Variants in RNF216 observed in about 807,000 individuals in gnomAD.
The protein encoded by RNF216 is E3 ubiquitin-protein ligase RNF216.
Under a neutral mutation model 110.8 loss-of-function variants are expected in RNF216, and 72 were observed. The ratio of observed to expected loss-of-function variants is 0.65; its 90% CI spans 0.54 to 0.79. The LOEUF (loss-of-function observed/expected upper bound fraction) is 0.79, where lower values mean the gene tolerates loss of function less well. RNF216 is among the 30% of genes least tolerant of loss of function. The pLI, the probability that RNF216 is intolerant of heterozygous loss-of-function variation, is 0.00. For missense variants in RNF216, 1,342 were observed against 1,141.2 expected, an observed-to-expected ratio of 1.18 and a Z score of -2.54; for synonymous variants, 495 against 407.5, an observed-to-expected ratio of 1.21 and a Z score of -2.59.
At chr7:5,753,266 G>A (rs1010881370) in intron 2 of RNF216, among the ~76,000 whole-genome samples, 9 of 152,056 alleles carry the variant, frequency 5.9e-5, no homozygotes, top group African/African-American at 2.2e-4. Flanking sequence ...AAATTTTCTT[G>A]ACTGCCAATT....
chr7:5,654,849 TATTAGGGTGCCTAACTA>T (rs1225209319), intron 13 of RNF216, among the ~76,000 whole-genome samples: 1 of 151,978 alleles, frequency 6.6e-6, no homozygotes, highest in Non-Finnish European at 1.5e-5. Context: ...AGGTGATATA[TATTAGGGTGCCTAACTA>T]TTACCCACCG....
At chr7:5,648,505 C>T (rs1490975498) in intron 14 of RNF216, among the ~76,000 whole-genome samples, 3 of 151,392 alleles carry the variant, frequency 2.0e-5, no homozygotes, top group Non-Finnish European at 3.0e-5. Flanking sequence ...GCAGGCGGAT[C>T]ATGAGGTCAG....
Position 5,685,164 on chromosome 7 carries a change from T to C in RNF216, c.2061+26597A>G, listed in dbSNP as rs141103869. On this transcript the variant is annotated intron_variant, in intron 13 of 16. Transcript: ENST00000389902. ...ACTGGAGGCTCATGGCCTCCAGTGA[T>C]TGGGCTGCCCATGTACAATGTCCAC... Among the ~76,000 whole-genome samples, 924 of 152,268 alleles carry C rather than the reference T, an allele frequency of 6.1e-3. 5 individuals carry two copies. The highest frequency in any genetic ancestry group is 0.02 in the African/African-American group (828 of 41,552).
At chr7:5,768,339 A>C (rs1172832876) in intron 1 of RNF216, among the ~76,000 whole-genome samples, 2 of 133,274 alleles carry the variant, frequency 1.5e-5, no homozygotes, top group African/African-American at 5.9e-5. Flanking sequence ...AGGCCGAGGC[A>C]GGCAAATACA....
chr7:5,632,711 A>C (rs1367392087), intron 15 of RNF216, among the ~76,000 whole-genome samples: 6 of 151,612 alleles, frequency 4.0e-5, no homozygotes, highest in Non-Finnish European at 8.8e-5. Context: ...CGGGAGGCAC[A>C]GGTTGCAGTG....
intron 7 of RNF216, among the ~76,000 whole-genome samples, chr7:5,727,372 T>C (rs1283169131): frequency 8.5e-5 from 13 of 152,302 alleles, no homozygotes; most frequent in African/African-American, 3.1e-4. Context: ...TCTATGCTTA[T>C]TATTGAGTGG....
In RNF216 at chr7:5,696,352, T is replaced by C. The variant is rs1791626121; in HGVS notation, c.2061+15409A>G. On this transcript the variant is annotated intron_variant, in intron 13 of 16. Coordinates refer to ENST00000389902, the MANE Select transcript of RNF216 (RefSeq NM_207111.4). The surrounding 1 kb of genome is among the most constrained non-coding windows in gnomAD (Gnocchi z 5.4). ...TGAGAGAAATTAAGCTTATTCGACA[T>C]GCCTTCGGCTGGAAAACAAGCCTTT... 2.0e-5 allele frequency among the ~76,000 whole-genome samples: 3 copies of C among 152,242 alleles called. No individual in the cohort carries two copies. The South Asian group carries it at 6.2e-4, about 31-fold the overall frequency.
chr7:5,690,529 CA>C (rs1791268837), intron 13 of RNF216, among the ~76,000 whole-genome samples: 1 of 152,062 alleles, frequency 6.6e-6, no homozygotes, highest in East Asian at 1.9e-4. Context: ...CCACTTAGAC[CA>C]GGGGAGGAGG....
intron 3 of RNF216, among the ~76,000 whole-genome samples, chr7:5,748,478 T>C (rs1041556136): frequency 2.6e-5 from 4 of 152,220 alleles, no homozygotes; most frequent in Admixed American, 2.6e-4. Flanking sequence ...CAGACTGGTC[T>C]TGAACTCTTG....
At chr7:5,742,960 T>C (rs943045654) in intron 3 of RNF216, among the ~76,000 whole-genome samples, 7 of 152,110 alleles carry the variant, frequency 4.6e-5, no homozygotes, top group Admixed American at 1.3e-4. Context: ...TTTGGCACTA[T>C]TTATTAAAAT....
chr7:5,694,974 G>A (rs936514003), intron 13 of RNF216, among the ~76,000 whole-genome samples: 2 of 152,154 alleles, frequency 1.3e-5, no homozygotes, highest in Non-Finnish European at 2.9e-5. Context: ...CACCAACTAA[G>A]AACTGTATTT....
chr7:5,748,063 C>T (rs928171818), intron 3 of RNF216, among the ~76,000 whole-genome samples: 2 of 152,108 alleles, frequency 1.3e-5, no homozygotes, highest in East Asian at 3.9e-4. Context: ...AAGCTCCATA[C>T]CAATAGGCGG....
intron 13 of RNF216, among the ~76,000 whole-genome samples, chr7:5,675,694 G>C (rs1003185734): frequency 6.6e-6 from 1 of 150,860 alleles, no homozygotes; most frequent in Non-Finnish European, 1.5e-5. Flanking sequence ...GAAGCCTATA[G>C]CGCTAACTCT....
At chr7:5,666,165 C>CAAAAA (rs575439935) in intron 13 of RNF216, among the ~76,000 whole-genome samples, 1 of 65,456 alleles carries the variant, frequency 1.5e-5, no homozygotes, top group African/African-American at 4.8e-5. Flanking sequence ...GACTCCGTCT[C>CAAAAA]AAAAAAAAAA....
intron 15 of RNF216, among the ~76,000 whole-genome samples, chr7:5,632,591 A>G (rs1787140386): frequency 6.6e-6 from 1 of 152,226 alleles, no homozygotes; most frequent in Non-Finnish European, 1.5e-5. Flanking sequence ...AGCCTGGCCA[A>G]CATGGCGAAA....
At chr7:5,738,874 T>C (rs1454727735) in intron 5 of RNF216, among the ~76,000 whole-genome samples, 6 of 152,202 alleles carry the variant, frequency 3.9e-5, no homozygotes, top group Admixed American at 3.9e-4. Flanking sequence ...TCTATAACCA[T>C]GCAGTATTCC....
intron 15 of RNF216, among the ~76,000 whole-genome samples, chr7:5,634,439 G>A (rs1787270400): frequency 6.6e-6 from 1 of 152,242 alleles, no homozygotes; most frequent in Admixed American, 6.5e-5. Flanking sequence ...GCCACAGATC[G>A]CCTGAGCAAC....
At chr7:5,718,252 G>A (rs545430819) in intron 9 of RNF216, among the ~76,000 whole-genome samples, 5 of 151,718 alleles carry the variant, frequency 3.3e-5, no homozygotes, top group Non-Finnish European at 7.4e-5. Context: ...ATGGTGGGGC[G>A]CACCTGTAAT....
At position 5,714,983 on chromosome 7, in the gene RNF216, C is replaced by T. The variant is rs147368789; in HGVS notation, c.1833+70G>A. Reference sequence around the variant, plus strand: ...CCCTCAAAGAGGCACTTACACTTATCTATCAACATGGTCTCCTTAGACTCC... The same window carrying T: ...CCCTCAAAGAGGCACTTACACTTATTTATCAACATGGTCTCCTTAGACTCC... On this transcript the variant is annotated intron_variant, in intron 11 of 16. Transcript: ENST00000389902. The T allele has an allele frequency of 6.7e-4, 956 of 1,436,840 alleles. 9 individuals are homozygous for T. In the African/African-American group the frequency reaches 0.012, roughly 18 times the overall value. The allele number at this position is 1,436,840 out of a possible 1,614,324, so 89.0% of individuals were successfully genotyped here. A position where few individuals can be genotyped will look rare whatever the true frequency, so the allele number is the denominator to read the frequency against.
Sources: gnomAD v4.1 joint callset for allele counts (sites outside exome capture counted in the v4.1 genomes callset) on GRCh38, gnomAD v4.1.1 for gene constraint, Gnocchi (gnomAD v3.1) non-coding constraint, MANE v1.5 for transcripts, NCBI Gene and HGNC (gene_info 2026-07-23, HGNC 2026-07-21) for gene names.